The following AR variants were observed in gnomAD, a reference collection of about 807,000 sequenced individuals.
AR encodes androgen receptor, also known as dihydrotestosterone receptor.
A neutral mutation model predicts 53.9 loss-of-function variants in AR; 8 were observed. The observed-to-expected ratio is 0.15, with a 90% CI of 0.09 to 0.27. The LOEUF (loss-of-function observed/expected upper bound fraction) is 0.27. AR is among the 10% of genes least tolerant of loss of function. The pLI is 1.00. For missense variants in AR, 639 were observed against 742.5 expected (o/e 0.86, Z 1.62); for synonymous variants, 359 against 316.4 (o/e 1.13, Z -1.43).
At chrX:67,641,184 CTTA>C (rs1318208008) in intron 1 of AR, among the ~76,000 whole-genome samples, 1 of 111,642 alleles carries the variant, frequency 9.0e-6, no homozygotes, top group Non-Finnish European at 1.9e-5. Context: ...GGCATTGCCA[CTTA>C]TTATTAATAG....
intron 1 of AR, among the ~76,000 whole-genome samples, chrX:67,556,845 A>C (rs1921075356): frequency 9.9e-6 from 1 of 101,344 alleles, no homozygotes. Flanking sequence ...CCACAGGCGC[A>C]AAGGGCCTGA....
intron 1 of AR, among the ~76,000 whole-genome samples, chrX:67,602,827 T>C (rs1276359319): frequency 2.7e-5 from 3 of 111,785 alleles, no homozygotes; most frequent in Non-Finnish European, 3.8e-5. Flanking sequence ...AGATAATAAA[T>C]GAGTATTGTT....
At chrX:67,703,526 T>C (rs989610526) in intron 3 of AR, among the ~76,000 whole-genome samples, 5 of 111,938 alleles carry the variant, frequency 4.5e-5, no homozygotes, top group African/African-American at 1.6e-4. Flanking sequence ...TACAGACTGA[T>C]GGCAGAGGCA....
At chrX:67,719,901 T>C (rs1406630847) in intron 5 of AR, among the ~76,000 whole-genome samples, 4 of 111,791 alleles carry the variant, frequency 3.6e-5, no homozygotes, top group Non-Finnish European at 7.5e-5. Flanking sequence ...GTCAACCCAT[T>C]TGCTGATCTC....
chrX:67,685,329 C>T (rs916146277), intron 2 of AR, among the ~76,000 whole-genome samples: 4 of 111,416 alleles, frequency 3.6e-5, no homozygotes, highest in Non-Finnish European at 7.5e-5. Context: ...TGTGTGTGCG[C>T]TTCTATGTAT....
At chrX:67,636,012 T>C (rs1027832357) in intron 1 of AR, among the ~76,000 whole-genome samples, 2 of 111,617 alleles carry the variant, frequency 1.8e-5, no homozygotes, top group African/African-American at 3.3e-5. Flanking sequence ...TATCAAAGAA[T>C]ACATGTAATA....
At chrX:67,660,453 C>A (rs1344795924) in intron 2 of AR, among the ~76,000 whole-genome samples, 1 of 111,627 alleles carries the variant, frequency 9.0e-6, no homozygotes, top group Admixed American at 9.5e-5. Context: ...TTTCCCAACA[C>A]CATTTATTAA....
chrX:67,670,306 G>C (rs1025902009), intron 2 of AR, among the ~76,000 whole-genome samples: 7 of 88,103 alleles, frequency 7.9e-5, no homozygotes, highest in Non-Finnish European at 1.3e-4. Flanking sequence ...AAATCCACTT[G>C]TGCCCCCAAA....
intron 2 of AR, among the ~76,000 whole-genome samples, chrX:67,646,520 A>G (rs902263960): frequency 5.4e-5 from 6 of 110,643 alleles, no homozygotes; most frequent in Non-Finnish European, 3.8e-5. Context: ...TCTGGGTTAG[A>G]AACAGGCATG....
chrX:67,691,911 C>A (rs1198760630), intron 3 of AR, among the ~76,000 whole-genome samples: 1 of 112,155 alleles, frequency 8.9e-6, no homozygotes, highest in Non-Finnish European at 1.9e-5. Context: ...TCTGCAGGTA[C>A]ATATTCCTGG....
At chrX:67,694,750 T>TGAGGGCTCTA in intron 3 of AR, 1 of 1,154,378 alleles carries the variant, frequency 8.7e-7, no homozygotes, top group Non-Finnish European at 1.1e-6. Flanking sequence ...TCATTCAAAA[T>TGAGGGCTCTA]GAGGGCTCTA....
chrX:67,695,318 C>A, intron 3 of AR: 1 of 754,368 alleles, frequency 1.3e-6, no homozygotes. Flanking sequence ...AAGGTAGTAG[C>A]TGATCCACAG....
intron 3 of AR, among the ~76,000 whole-genome samples, chrX:67,703,364 G>A (rs1056884987): frequency 6.2e-5 from 7 of 112,106 alleles, no homozygotes; most frequent in Non-Finnish European, 1.1e-4. Flanking sequence ...TACAAAGTAA[G>A]CATCGGAATG....
At chrX:67,615,201 A>C (rs1380891743) in intron 1 of AR, among the ~76,000 whole-genome samples, 2 of 111,448 alleles carry the variant, frequency 1.8e-5, no homozygotes, top group Non-Finnish European at 3.8e-5. Context: ...AAATTTAATG[A>C]AAAACATCAA....
Position 67,729,460 on chromosome X carries a change from T to A in AR, c.*5619T>A. 1 of 175,363 alleles carries A rather than the reference T, an allele frequency of 5.7e-6. No homozygotes were observed. 14.5% of individuals were successfully genotyped at this position (175,363 alleles called of 1,213,427 possible). On this transcript the variant is annotated 3_prime_UTR_variant, in exon 8 of 8. Transcript: ENST00000374690. The stretch of plus-strand genomic sequence containing the variant: ...GTGGTAGATATTTGAATTTAGCAGG[T>A]GGAGTTTCATAGTAAAAACAGCTTT...
At chrX:67,708,914 C>T (rs148619806) in intron 3 of AR, among the ~76,000 whole-genome samples, 1,292 of 111,961 alleles carry the variant, frequency 0.012, 34 homozygotes, top group Admixed American at 0.077. Context: ...CACTCTAGAC[C>T]CTGTTTGCCT....
At position 67,557,450 on chromosome X, in the gene AR, T is replaced by C. The variant is rs985760486; in HGVS notation, c.1616+10688T>C. On this transcript the variant is annotated intron_variant, in intron 1 of 7. Coordinates refer to ENST00000374690, the MANE Select transcript of AR (RefSeq NM_000044.6). ...GAAATCAAGAGTTTGATTTTTGACT[T>C]ATAAAGTTTGAATTATCTGATGAAC... 5.3e-5 allele frequency among the ~76,000 whole-genome samples: 6 copies of C among 112,323 alleles called. No individual in the cohort carries two copies. The Admixed American group carries it at 5.6e-4, about 11-fold the overall frequency.
At chrX:67,620,763 T>C (rs1924334099) in intron 1 of AR, among the ~76,000 whole-genome samples, 1 of 111,867 alleles carries the variant, frequency 8.9e-6, no homozygotes, top group Non-Finnish European at 1.9e-5. Flanking sequence ...TGGAGCTCTG[T>C]AACTCTTGCT....
At chrX:67,672,205 G>GA (rs2075869823) in intron 2 of AR, among the ~76,000 whole-genome samples, 1 of 111,525 alleles carries the variant, frequency 9.0e-6, no homozygotes, top group South Asian at 3.8e-4. Context: ...TTATAAATGA[G>GA]AAAATACAGT....
Sources: gnomAD v4.1 joint callset for allele counts (sites outside exome capture counted in the v4.1 genomes callset) on GRCh38, gnomAD v4.1.1 for gene constraint, MANE v1.5 for transcripts, NCBI Gene and HGNC (gene_info 2026-07-23, HGNC 2026-07-21) for gene names.